GON4L: variants seen among roughly 807,000 people sequenced by gnomAD.
GON4L encodes the protein GON-4-like protein.
In GON4L, 87 loss-of-function variants were observed where a neutral mutation model predicts 211.8. The ratio of observed to expected loss-of-function variants is 0.41; its 90% confidence interval spans 0.35 to 0.49. The LOEUF (loss-of-function observed/expected upper bound fraction) is 0.49, where lower values mean the gene tolerates loss of function less well. Among genes scored for constraint, GON4L ranks in the 20% least tolerant of loss-of-function variants. GON4L has a pLI of 0.15. For synonymous variants in GON4L, 875 were observed against 962.6 expected (o/e 0.91, Z 1.68); for missense variants, 2,155 against 2,659.5 (o/e 0.81, Z 4.17).
intron 2 of GON4L, among the ~76,000 whole-genome samples, chr1:155,836,341 C>T (rs1042538631): frequency 4.7e-5 from 7 of 150,330 alleles, no homozygotes; most frequent in South Asian, 2.2e-4. Context: ...CCTCGCCTCC[C>T]GGGTTCAAGC....
intron 11 of GON4L, 31 bp from the exon 12 acceptor site, chr1:155,795,182 T>G (rs1168889444): frequency 7.1e-6 from 8 of 1,127,970 alleles, no homozygotes; most frequent in Non-Finnish European, 4.1e-6. Flanking sequence ...AGATGCTCAT[T>G]AACTCTGTTC....
In GON4L at chr1:155,753,392, T is replaced by C. The variant is rs1660820975; in HGVS notation, c.5654A>G (p.Lys1885Arg). 1 of 1,613,416 alleles carries C rather than the reference T, an allele frequency of 6.2e-7. No individual in the cohort carries two copies. The stretch of plus-strand genomic sequence containing the variant: ...CACCAACTCATGGGGCTCCTTGCTC[T>C]TGTAGGATTTGCTGTCACAGACCTG... ...SSKVCDSKSY[K>R]SKEPHELVGS... The change falls in exon 29 of 32, where the codon AAG (lysine) becomes AGG (arginine). Residue 1885 changes from lysine to arginine, a missense_variant. Around this residue, in one of 6 missense-constraint regions of GON4L, gnomAD observed 455 missense variants for 504.6 expected, o/e 0.90. Transcript: ENST00000368331.
intron 8 of GON4L, 46 bp from the exon 9 acceptor site, chr1:155,814,495 AT>A (rs1668059832): frequency 6.3e-7 from 1 of 1,595,074 alleles, no homozygotes; most frequent in African/African-American, 1.3e-5. Context: ...CCCCTACCTC[AT>A]TCCACAAAGT....
In GON4L at chr1:155,753,222, C is replaced by T; in HGVS notation, c.5824G>A (p.Gly1942Arg). 6.2e-7 allele frequency: 1 copy of T among 1,602,472 alleles called. No individual in the cohort carries two copies. The highest frequency in any genetic ancestry group is 8.5e-7 in the Non-Finnish European group (1 of 1,174,600). Residue 1942 changes from glycine (G) to arginine (R), a missense_variant, in exon 29 of 32, where the codon GGA becomes AGA. Physicochemically the swap from Gly to Arg is moderately radical, Grantham distance 125. Transcript: ENST00000368331. The part of the protein sequence containing the change: ...QSRTVRTTRK[G>R]EMPVSAGLAV... ...CACTCACCTGAAACAGGCATCTCTC[C>T]CTTTCTGGTGGTCCTGACAGTCCTG...
At chr1:155,785,215 A>T in intron 13 of GON4L, 119 bp downstream of exon 13, 1 of 786,830 alleles carries the variant, frequency 1.3e-6, no homozygotes, top group Non-Finnish European at 2.3e-6. Context: ...GTAGACTAAA[A>T]GGAGAATTGG....
chr1:155,801,656 G>T (rs1477972113), intron 11 of GON4L, among the ~76,000 whole-genome samples: 1 of 152,104 alleles, frequency 6.6e-6, no homozygotes, highest in African/African-American at 2.4e-5. Context: ...GCCAAGGAGG[G>T]TGGATCACCT....
At chr1:155,757,422 C>G in intron 25 of GON4L, 99 bp from the exon 26 acceptor site, 3 of 1,062,570 alleles carry the variant, frequency 2.8e-6, no homozygotes. Flanking sequence ...CTTTCCCAGT[C>G]AACTGGGAAA....
intron 1 of GON4L, among the ~76,000 whole-genome samples, chr1:155,854,728 T>C (rs1672113694): frequency 6.6e-6 from 1 of 152,172 alleles, no homozygotes; most frequent in African/African-American, 2.4e-5. Flanking sequence ...CAAAGTGTGA[T>C]TGTTTAAAAG....
intron 3 of GON4L, among the ~76,000 whole-genome samples, chr1:155,823,251 C>T (rs1420296680): frequency 6.6e-6 from 1 of 152,112 alleles, no homozygotes; most frequent in Non-Finnish European, 1.5e-5. Context: ...TTTTTCAAAA[C>T]TCATCAGATA....
At chr1:155,760,380 C>G in intron 24 of GON4L, 64 bp downstream of exon 24, 1 of 991,832 alleles carries the variant, frequency 1.0e-6, no homozygotes, top group Non-Finnish European at 1.6e-6. Flanking sequence ...TATTCAACCC[C>G]ATTCAATCCC....
At chr1:155,850,206 G>C (rs1355448197) in intron 2 of GON4L, among the ~76,000 whole-genome samples, 2 of 151,950 alleles carry the variant, frequency 1.3e-5, no homozygotes, top group Non-Finnish European at 2.9e-5. Context: ...GTCCTGCCTT[G>C]TTTTATTTTT....
In GON4L at chr1:155,765,396, A is replaced by C. The variant is rs758671200; in HGVS notation, c.4077T>G (p.Gly1359=). 9.3e-6 allele frequency: 15 copies of C among 1,614,134 alleles called. No homozygotes were observed. Among genetic ancestry groups the C allele is most frequent in the Non-Finnish European group, 8.5e-7 (1 of 1,180,016 alleles). The change falls in exon 21 of 32, where the codon GGT becomes GGG. Residue 1359 remains glycine (G), a synonymous_variant. Coordinates refer to ENST00000368331, the MANE Select transcript of GON4L (RefSeq NM_001282860.2). ...KVEHAVELDT[G]APSEELSSAG... ...CACTGCTCAACTCCTCGCTTGGGGC[A>C]CCAGTGTCCAATTCCACAGCATGTT...
At chr1:155,818,222 A>C (rs1156578376) in intron 6 of GON4L, among the ~76,000 whole-genome samples, 1 of 151,844 alleles carries the variant, frequency 6.6e-6, no homozygotes. Flanking sequence ...CCTGAGTTCA[A>C]GCGATCCTCT....
intron 12 of GON4L, among the ~76,000 whole-genome samples, chr1:155,793,416 G>C (rs1665789860): frequency 6.6e-6 from 1 of 152,126 alleles, no homozygotes; most frequent in African/African-American, 2.4e-5. Context: ...TGTTTATAAA[G>C]CTCTCTGCAT....
intron 13 of GON4L, 74 bp downstream of exon 13, chr1:155,785,260 C>G: frequency 1.0e-6 from 1 of 957,616 alleles, no homozygotes. Flanking sequence ...GGGAGCATCA[C>G]AGAGACCAAA....
At chr1:155,851,946 C>T (rs1671834377) in intron 2 of GON4L, among the ~76,000 whole-genome samples, 1 of 152,004 alleles carries the variant, frequency 6.6e-6, no homozygotes, top group Admixed American at 6.6e-5. Context: ...ACGTGGATCA[C>T]CTGAGGTCAG....
At chr1:155,855,909 G>A (rs1672229669) in intron 1 of GON4L, among the ~76,000 whole-genome samples, 1 of 149,308 alleles carries the variant, frequency 6.7e-6, no homozygotes. Flanking sequence ...TTGAACCCGG[G>A]AGGTGGAGGT....
rs554147295 is a variant in GON4L at position 155,800,135 on chromosome 1, G to A, written c.1645+4814C>T. Among the ~76,000 whole-genome samples the A allele has an allele frequency of 1.3e-3, 192 of 152,142 alleles. 1 individual carries two copies. Among genetic ancestry groups the A allele is most frequent in the African/African-American group, 4.5e-3 (185 of 41,506 alleles). The stretch of plus-strand genomic sequence containing the variant: ...AATCGCTTGAACCTGGGAGGCAGAG[G>A]TTGCGGTGAGCTGAGATCGTGCCAT... On this transcript the variant is annotated intron_variant, in intron 11 of 31. Coordinates refer to ENST00000368331, the MANE Select transcript of GON4L (RefSeq NM_001282860.2).
intron 3 of GON4L, among the ~76,000 whole-genome samples, chr1:155,825,149 G>A (rs978173844): frequency 1.3e-5 from 2 of 151,794 alleles, no homozygotes; most frequent in Non-Finnish European, 2.9e-5. Context: ...GGGTGACAGA[G>A]CAGTACCTAT....
Sources: gnomAD v4.1 joint callset for allele counts (sites outside exome capture counted in the v4.1 genomes callset) on GRCh38, gnomAD v4.1.1 for gene constraint, gnomAD v4.1.1 regional missense constraint, MANE v1.5 for transcripts, NCBI Gene and HGNC (gene_info 2026-07-23, HGNC 2026-07-21) for gene names.